Variants in NRG3 observed in about 807,000 individuals in gnomAD.
NRG3 encodes neuregulin 3.
A neutral mutation model predicts 66.9 loss-of-function variants in NRG3; 31 were observed. That is an observed-to-expected ratio of 0.46 (90% CI 0.35 to 0.63). NRG3 has a LOEUF of 0.63. Ranked by LOEUF, NRG3 falls within the 20% of genes least tolerant of loss-of-function variation. The probability of loss-of-function intolerance (pLI) is 0.00; values close to 1 mark genes in which losing one functional copy is unlikely to be tolerated. For synonymous variants in NRG3, 393 were observed against 359.4 expected (o/e 1.09, Z -1.06); for missense variants, 910 against 878.9 (o/e 1.04, Z -0.45).
intron 1 of NRG3, among the ~76,000 whole-genome samples, chr10:82,249,657 A>G (rs1010540203): frequency 1.3e-5 from 2 of 152,232 alleles, no homozygotes; most frequent in African/African-American, 4.8e-5. Flanking sequence ...TGGAGGAAAA[A>G]CACACAACCC....
Position 82,709,625 on chromosome 10 carries a change from C to G in NRG3, c.954-28952C>G, listed in dbSNP as rs376501393. On this transcript the variant is annotated intron_variant, in intron 2 of 8. Transcript: ENST00000372141. Reference sequence around the variant, plus strand: ...GGATCTCTTGACCTCATGATCCCCCCGCCTCGGCCTCCCAAAGTGCTGGAA... The same window carrying G: ...GGATCTCTTGACCTCATGATCCCCCGGCCTCGGCCTCCCAAAGTGCTGGAA... 6.6e-4 allele frequency among the ~76,000 whole-genome samples: 101 copies of G among 152,150 alleles called. 1 individual carries two copies. The highest frequency in any genetic ancestry group is 2.3e-3 in the African/African-American group (97 of 41,508).
chr10:82,427,981 A>G (rs927586823), intron 2 of NRG3, among the ~76,000 whole-genome samples: 3 of 151,928 alleles, frequency 2.0e-5, no homozygotes, highest in Admixed American at 6.6e-5. Flanking sequence ...AAGATTATTT[A>G]ATTTGCTAAC....
At chr10:82,194,045 C>A (rs2074315476) in intron 1 of NRG3, among the ~76,000 whole-genome samples, 1 of 152,082 alleles carries the variant, frequency 6.6e-6, no homozygotes, top group Non-Finnish European at 1.5e-5. Flanking sequence ...AACTAGGAAC[C>A]ACTCCAGCCA....
At chr10:82,130,808 T>C (rs1255970783) in intron 1 of NRG3, among the ~76,000 whole-genome samples, 1 of 152,204 alleles carries the variant, frequency 6.6e-6, no homozygotes, top group Non-Finnish European at 1.5e-5. Context: ...TAAGCACCTT[T>C]TCATCTGCCT....
intron 2 of NRG3, among the ~76,000 whole-genome samples, chr10:82,694,074 C>T (rs891997872): frequency 9.2e-5 from 14 of 152,160 alleles, no homozygotes; most frequent in African/African-American, 2.9e-4. Flanking sequence ...CATTTAGAAT[C>T]CTTTAGCTGG....
chr10:82,966,465 T>C (rs1045706250), intron 6 of NRG3, among the ~76,000 whole-genome samples: 6 of 152,212 alleles, frequency 3.9e-5, no homozygotes, highest in African/African-American at 1.4e-4. Context: ...TATTATGTCA[T>C]ATCAAGATAC....
At chr10:82,575,474 G>A (rs2045973892) in intron 2 of NRG3, among the ~76,000 whole-genome samples, 1 of 151,764 alleles carries the variant, frequency 6.6e-6, no homozygotes. Flanking sequence ...AGTGCACATG[G>A]TGAGGTGCCA....
chr10:82,534,512 A>G, intron 2 of NRG3, among the ~76,000 whole-genome samples: 1 of 151,946 alleles, frequency 6.6e-6, no homozygotes, highest in East Asian at 1.9e-4. Context: ...TGATCCACCC[A>G]CCTCAGCCTC....
intron 3 of NRG3, among the ~76,000 whole-genome samples, chr10:82,834,919 A>G (rs2062703104): frequency 6.6e-6 from 1 of 152,186 alleles, no homozygotes; most frequent in Admixed American, 6.6e-5. Flanking sequence ...CTGAAGCTGT[A>G]ATCTCCATTT....
chr10:82,568,081 A>T (rs1051689332), intron 2 of NRG3, among the ~76,000 whole-genome samples: 6 of 151,926 alleles, frequency 3.9e-5, no homozygotes, highest in Admixed American at 2.0e-4. Context: ...GATAATGAAA[A>T]TATTATACAT....
intron 1 of NRG3, among the ~76,000 whole-genome samples, chr10:81,900,742 A>G (rs1461623214): frequency 6.6e-6 from 1 of 152,254 alleles, no homozygotes; most frequent in African/African-American, 2.4e-5. Flanking sequence ...TACAAATGAT[A>G]GCTAGGTTTC....
chr10:82,831,542 G>A (rs560312221), intron 3 of NRG3, among the ~76,000 whole-genome samples: 138 of 152,238 alleles, frequency 9.1e-4, no homozygotes, highest in Middle Eastern at 3.4e-3. Flanking sequence ...TTGGCTGGGC[G>A]CAGTGGCTCA....
chr10:82,255,392 G>A (rs113584464), intron 1 of NRG3, among the ~76,000 whole-genome samples: 4 of 152,132 alleles, frequency 2.6e-5, no homozygotes, highest in African/African-American at 9.7e-5. Flanking sequence ...AATGAAGGAA[G>A]TCTGAATAGA....
At position 82,052,282 on chromosome 10, in the gene NRG3, A is replaced by G. The variant is rs540993697; in HGVS notation, c.823+176119A>G. ...CCTGAACTTCATTAACATCAACTTCACCAGTACTCTTTCAGATGACTGCAT... is the reference window on the plus strand; with the variant it reads ...CCTGAACTTCATTAACATCAACTTCGCCAGTACTCTTTCAGATGACTGCAT... On this transcript the variant is annotated intron_variant, in intron 1 of 8. Transcript: ENST00000372141. Among the ~76,000 whole-genome samples the G allele has an allele frequency of 3.9e-5, 6 of 152,176 alleles. No homozygotes were observed. In the East Asian group the frequency reaches 9.7e-4, roughly 25 times the overall value.
chr10:81,970,051 C>G (rs552632299), intron 1 of NRG3, among the ~76,000 whole-genome samples: 1 of 152,090 alleles, frequency 6.6e-6, no homozygotes, highest in Non-Finnish European at 1.5e-5. Context: ...CTGTTTCTTA[C>G]ATTTAAGCTA....
chr10:82,189,038 A>C (rs2073979487), intron 1 of NRG3, among the ~76,000 whole-genome samples: 1 of 152,190 alleles, frequency 6.6e-6, no homozygotes, highest in African/African-American at 2.4e-5. Context: ...ATAATTAAGT[A>C]AACTGGATAT....
chr10:82,271,264 C>T (rs2078579956), intron 1 of NRG3, among the ~76,000 whole-genome samples: 1 of 151,938 alleles, frequency 6.6e-6, no homozygotes, highest in South Asian at 2.1e-4. Context: ...TTTACATGTG[C>T]AAGGTAGAAA....
At chr10:82,264,811 G>C (rs1293961818) in intron 1 of NRG3, among the ~76,000 whole-genome samples, 4 of 152,098 alleles carry the variant, frequency 2.6e-5, no homozygotes, top group African/African-American at 7.2e-5. Flanking sequence ...AATGAGAACT[G>C]AGAATTGCCT....
intron 1 of NRG3, among the ~76,000 whole-genome samples, chr10:82,103,634 G>A (rs1349489753): frequency 6.6e-6 from 1 of 152,030 alleles, no homozygotes; most frequent in South Asian, 2.1e-4. Context: ...GTTCTACTTA[G>A]CAGTGGCTCA....
Sources: gnomAD v4.1 joint callset for allele counts (sites outside exome capture counted in the v4.1 genomes callset) on GRCh38, gnomAD v4.1.1 for gene constraint, MANE v1.5 for transcripts, NCBI Gene and HGNC (gene_info 2026-07-23, HGNC 2026-07-21) for gene names.